The following PRKCE variants were observed in gnomAD, a reference collection of about 807,000 sequenced individuals.
PRKCE encodes protein kinase C epsilon.
PRKCE carries 16 observed loss-of-function variants against 85.4 expected under a neutral mutation model. That is an observed-to-expected ratio of 0.19 (90% confidence interval 0.13 to 0.28). The LOEUF is 0.28. PRKCE is among the 10% of genes least tolerant of loss of function. The pLI is 1.00. For missense variants in PRKCE, 573 were observed against 975.2 expected (o/e 0.59, Z 5.49); for synonymous variants, 388 against 371.5 (o/e 1.04, Z -0.51).
At chr2:45,668,174 G>A (rs1572891642) in intron 1 of PRKCE, among the ~76,000 whole-genome samples, 1 of 151,978 alleles carries the variant, frequency 6.6e-6, no homozygotes, top group South Asian at 2.1e-4. Flanking sequence ...AACCCCGTCT[G>A]TACTAAAAAT....
rs1452834831 is a variant in PRKCE, at chr2:46,184,269, T to C, written c.2068-466T>C. On this transcript the variant is annotated intron_variant, in intron 14 of 14. Coordinates refer to ENST00000306156, the MANE Select transcript of PRKCE (RefSeq NM_005400.3). This position sits in a 1 kb window ranked among gnomAD's most constrained non-coding sequence, Gnocchi z 5.0. ...AATCGAGGCAGGCTTGTGGAGAGGA[T>C]GTCACCTGGAGCAGATGTGGCCGGG... 1.3e-5 allele frequency among the ~76,000 whole-genome samples: 2 copies of C among 152,114 alleles called. No individual in the cohort carries two copies. The highest frequency in any genetic ancestry group is 1.3e-4 in the Admixed American group (2 of 15,268).
chr2:45,969,462 G>A (rs1215271960), intron 2 of PRKCE, among the ~76,000 whole-genome samples: 1 of 152,230 alleles, frequency 6.6e-6, no homozygotes, highest in East Asian at 1.9e-4. Context: ...AGTGCCAGCA[G>A]CGAGCATCTT....
intron 6 of PRKCE, among the ~76,000 whole-genome samples, chr2:45,986,559 T>G (rs756152423): frequency 1.3e-5 from 2 of 151,976 alleles, no homozygotes; most frequent in Admixed American, 6.6e-5. Flanking sequence ...GTGGACAAAG[T>G]CATCATTTAA....
intron 2 of PRKCE, among the ~76,000 whole-genome samples, chr2:45,899,116 G>A (rs543842107): frequency 2.0e-5 from 3 of 152,284 alleles, no homozygotes; most frequent in East Asian, 1.9e-4. Context: ...GACTGCAGCC[G>A]TTTTGAGTGA....
At chr2:46,112,154 G>A (rs116151167) in intron 11 of PRKCE, among the ~76,000 whole-genome samples, 1,587 of 152,128 alleles carry the variant, frequency 0.01, 39 homozygotes, top group African/African-American at 0.036. Context: ...CCCTCTTTTT[G>A]CCTGATAATT....
chr2:46,016,923 AAAAG>A (rs1558964367), intron 10 of PRKCE, among the ~76,000 whole-genome samples: 4 of 150,938 alleles, frequency 2.7e-5, no homozygotes, highest in East Asian at 3.9e-4. Flanking sequence ...AAAAAAAAAA[AAAAG>A]AAAGAAAAAA....
At chr2:45,909,059 A>G (rs1697190997) in intron 2 of PRKCE, among the ~76,000 whole-genome samples, 1 of 152,230 alleles carries the variant, frequency 6.6e-6, no homozygotes, top group Admixed American at 6.5e-5. Context: ...TTGAACTTAG[A>G]AAAAGATTGG....
chr2:45,743,212 A>G (rs564079413), intron 1 of PRKCE, among the ~76,000 whole-genome samples: 1 of 152,274 alleles, frequency 6.6e-6, no homozygotes, highest in East Asian at 1.9e-4. Context: ...GACTGCAGTT[A>G]ATAATAATGT....
At chr2:45,855,199 C>A (rs1692577887) in intron 2 of PRKCE, among the ~76,000 whole-genome samples, 1 of 152,138 alleles carries the variant, frequency 6.6e-6, no homozygotes, top group Non-Finnish European at 1.5e-5. Flanking sequence ...AAGTAACTTC[C>A]ATAAATATAT....
chr2:46,094,747 C>T (rs1463544925), intron 11 of PRKCE, among the ~76,000 whole-genome samples: 1 of 151,784 alleles, frequency 6.6e-6, no homozygotes, highest in Non-Finnish European at 1.5e-5. Flanking sequence ...ATGCATTTAC[C>T]TGTATAACAA....
At chr2:45,764,478 G>T (rs1684754219) in intron 1 of PRKCE, among the ~76,000 whole-genome samples, 1 of 152,160 alleles carries the variant, frequency 6.6e-6, no homozygotes, top group South Asian at 2.1e-4. Flanking sequence ...TGCAATCAGG[G>T]TTCAGTTTTT....
intron 1 of PRKCE, among the ~76,000 whole-genome samples, chr2:45,717,939 G>C (rs1231603824): frequency 6.6e-6 from 1 of 152,182 alleles, no homozygotes; most frequent in Non-Finnish European, 1.5e-5. Context: ...TAAAGGAAAG[G>C]CTCCTTTTAT....
At chr2:45,790,602 A>C (rs1358189039) in intron 1 of PRKCE, among the ~76,000 whole-genome samples, 12 of 152,376 alleles carry the variant, frequency 7.9e-5, no homozygotes, top group Non-Finnish European at 7.3e-5. Context: ...ATTCTGTCAG[A>C]GGACCCAAAG....
chr2:46,117,318 T>A (rs1426124426), intron 11 of PRKCE, among the ~76,000 whole-genome samples: 1 of 152,152 alleles, frequency 6.6e-6, no homozygotes, highest in Admixed American at 6.5e-5. Flanking sequence ...CCTCTCTAGG[T>A]TTTTATTTGA....
At position 46,129,164 on chromosome 2, in the gene PRKCE, C is replaced by G. The variant is rs574126401; in HGVS notation, c.1593-15929C>G. Among the ~76,000 whole-genome samples the G allele has an allele frequency of 1.2e-4, 19 of 152,226 alleles. No homozygotes were observed. In the Middle Eastern group the frequency reaches 0.014, roughly 109 times the overall value. On this transcript the variant is annotated intron_variant, in intron 11 of 14. Transcript: ENST00000306156. ...CCATTTCAGAGTTTGGGGGAGAATTCGAGGAGCTCCTCCACATGAGGCGCA... is the reference window on the plus strand; with the variant it reads ...CCATTTCAGAGTTTGGGGGAGAATTGGAGGAGCTCCTCCACATGAGGCGCA...
At chr2:46,101,595 C>T (rs1309872721) in intron 11 of PRKCE, among the ~76,000 whole-genome samples, 1 of 152,132 alleles carries the variant, frequency 6.6e-6, no homozygotes, top group Admixed American at 6.5e-5. Flanking sequence ...ACTGTCAAAG[C>T]CCTGTAAGTG....
chr2:45,652,043 T>G lies in PRKCE; in HGVS notation c.-58T>G. 5 of 1,400,568 alleles carry G rather than the reference T, an allele frequency of 3.6e-6. No homozygotes were observed. Among genetic ancestry groups the G allele is most frequent in the Non-Finnish European group, 4.9e-6 (5 of 1,029,300 alleles). 86.8% of individuals were successfully genotyped at this position (1,400,568 alleles called of 1,614,324 possible). ...GCTCGGAGTGCCGGGCCGTCGGTTC[T>G]TCATTCCTGCCCTCGGGGCAGACGG... is the stretch of plus-strand genomic sequence containing the variant. On this transcript the variant is annotated 5_prime_UTR_variant, in exon 1 of 15. Coordinates refer to ENST00000306156, the MANE Select transcript of PRKCE (RefSeq NM_005400.3). This position sits in a 1 kb window ranked among gnomAD's most constrained non-coding sequence, Gnocchi z 7.7.
intron 1 of PRKCE, among the ~76,000 whole-genome samples, chr2:45,723,260 G>T (rs139366068): frequency 1.3e-5 from 2 of 152,146 alleles, no homozygotes; most frequent in Non-Finnish European, 2.9e-5. Context: ...AGAAAATGCC[G>T]TGACTCCTCC....
chr2:46,179,974 T>C (rs1679808867), intron 14 of PRKCE, among the ~76,000 whole-genome samples: 1 of 152,242 alleles, frequency 6.6e-6, no homozygotes, highest in Non-Finnish European at 1.5e-5. Context: ...TTATTAATTT[T>C]TTCTAGCAGA....
Sources: allele counts gnomAD v4.1 joint callset (sites outside exome capture counted in the v4.1 genomes callset), GRCh38; gene constraint gnomAD v4.1.1; non-coding constraint Gnocchi (gnomAD v3.1); transcripts MANE v1.5; gene names NCBI Gene and HGNC (gene_info 2026-07-23, HGNC 2026-07-21).